Variants in RBFOX1 observed in about 807,000 individuals in gnomAD.
RBFOX1 encodes RNA binding protein fox-1 homolog 1.
A neutral mutation model predicts 57.7 loss-of-function variants in RBFOX1; 8 were observed. That is an observed-to-expected ratio of 0.14 (90% CI 0.08 to 0.25). RBFOX1 has a LOEUF of 0.25. Ranked by LOEUF, RBFOX1 falls within the 10% of genes least tolerant of loss-of-function variation. RBFOX1 has a pLI of 1.00. For missense variants in RBFOX1, 611 were observed against 548.5 expected (o/e 1.11, Z -1.14); for synonymous variants, 326 against 222.4 (o/e 1.47, Z -4.15).
intron 3 of RBFOX1, among the ~76,000 whole-genome samples, chr16:6,954,525 A>T (rs2081371036): frequency 6.6e-6 from 1 of 152,176 alleles, no homozygotes; most frequent in African/African-American, 2.4e-5. Context: ...GGTAGTTGGG[A>T]TAAAATACAT....
At chr16:5,391,973 G>C (rs1310567967) in intron 1 of RBFOX1, among the ~76,000 whole-genome samples, 1 of 151,928 alleles carries the variant, frequency 6.6e-6, no homozygotes, top group Non-Finnish European at 1.5e-5. Flanking sequence ...TGATTTAATG[G>C]CATTCACAGC....
intron 1 of RBFOX1, among the ~76,000 whole-genome samples, chr16:6,129,678 G>T (rs1262362419): frequency 2.3e-5 from 3 of 129,050 alleles, no homozygotes; most frequent in African/African-American, 9.1e-5. Flanking sequence ...AAGATTAGTA[G>T]ATCAGGTTAA....
At chr16:5,611,719 T>TATCC (rs61156757) in intron 3 of RBFOX1, among the ~76,000 whole-genome samples, 10,906 of 114,496 alleles carry the variant, frequency 0.095, 807 homozygotes, top group East Asian at 0.36. Context: ...TCCATCCATC[T>TATCC]ATCCATCCAT....
chr16:5,590,057 AC>A (rs2046955884), intron 2 of RBFOX1, among the ~76,000 whole-genome samples: 1 of 143,260 alleles, frequency 7.0e-6, no homozygotes, highest in African/African-American at 2.7e-5. Flanking sequence ...ACACACACAC[AC>A]ACACACACAC....
chr16:6,087,464 C>G (rs1290500470), intron 1 of RBFOX1, among the ~76,000 whole-genome samples: 1 of 152,034 alleles, frequency 6.6e-6, no homozygotes, highest in Non-Finnish European at 1.5e-5. Flanking sequence ...ACTTTCTAGC[C>G]TTTTTTCTCT....
intron 3 of RBFOX1, among the ~76,000 whole-genome samples, chr16:6,832,825 G>A (rs922581696): frequency 8.5e-5 from 13 of 152,198 alleles, no homozygotes; most frequent in African/African-American, 2.9e-4. Context: ...TTCATTTATT[G>A]ATTAAATAGT....
intron 3 of RBFOX1, among the ~76,000 whole-genome samples, chr16:6,667,011 T>C (rs139899056): frequency 8.3e-4 from 126 of 152,326 alleles, no homozygotes; most frequent in Middle Eastern, 3.4e-3. Context: ...CTGCCTTTTA[T>C]ATTTGATTCA....
chr16:6,098,753 A>G (rs1374090035), intron 1 of RBFOX1, among the ~76,000 whole-genome samples: 5 of 152,172 alleles, frequency 3.3e-5, no homozygotes, highest in African/African-American at 1.2e-4. Context: ...TCCAGAATCA[A>G]TCACTGTTTT....
At chr16:6,169,608 G>T (rs549987843) in intron 1 of RBFOX1, among the ~76,000 whole-genome samples, 1 of 152,174 alleles carries the variant, frequency 6.6e-6, no homozygotes, top group Non-Finnish European at 1.5e-5. Context: ...ACAGAAATTA[G>T]AAGTGAGGTA....
At chr16:5,623,802 G>C (rs2048268167) in intron 3 of RBFOX1, among the ~76,000 whole-genome samples, 1 of 152,054 alleles carries the variant, frequency 6.6e-6, no homozygotes, top group Admixed American at 6.6e-5. Context: ...TCCTCAGATG[G>C]CAAGAATCCT....
chr16:6,719,445 G>GTT (rs35154093), intron 3 of RBFOX1, among the ~76,000 whole-genome samples: 100 of 145,184 alleles, frequency 6.9e-4, no homozygotes, highest in African/African-American at 2.3e-3. Context: ...AAAATAACCT[G>GTT]TTTTTTTTTT....
At chr16:6,613,958 G>C (rs939344221) in intron 2 of RBFOX1, among the ~76,000 whole-genome samples, 1 of 152,132 alleles carries the variant, frequency 6.6e-6, no homozygotes, top group African/African-American at 2.4e-5. Flanking sequence ...AAAGAAAAAA[G>C]AAGATAGATT....
At position 6,088,270 on chromosome 16, in the gene RBFOX1, A is replaced by G. The variant is rs112249716; in HGVS notation, c.-127+68278A>G. ...TTTCCTCAGGAATGTTTCTGAAACTATGAACAATATGGAACATGTTGTCAA... is the reference window on the plus strand; with the variant it reads ...TTTCCTCAGGAATGTTTCTGAAACTGTGAACAATATGGAACATGTTGTCAA... On this transcript the variant is annotated intron_variant, in intron 1 of 15. Coordinates refer to ENST00000550418, the MANE Select transcript of RBFOX1 (RefSeq NM_018723.4). 5.3e-3 allele frequency among the ~76,000 whole-genome samples: 801 copies of G among 152,042 alleles called. 7 individuals carry two copies. The highest frequency in any genetic ancestry group is 8.8e-3 in the Non-Finnish European group (598 of 68,006).
chr16:6,472,079 C>A (rs987742300), intron 2 of RBFOX1, among the ~76,000 whole-genome samples: 1 of 152,174 alleles, frequency 6.6e-6, no homozygotes, highest in Non-Finnish European at 1.5e-5. Flanking sequence ...GCTGACTAGT[C>A]ATCAGACTCT....
At chr16:7,709,247 G>T (rs1217589841) in intron 15 of RBFOX1, 116 bp downstream of exon 15, 1 of 1,098,914 alleles carries the variant, frequency 9.1e-7, no homozygotes. Flanking sequence ...TTTGTCTCTT[G>T]TGCTAACAGC....
At chr16:6,064,665 C>G (rs1028346905) in intron 1 of RBFOX1, among the ~76,000 whole-genome samples, 1 of 152,146 alleles carries the variant, frequency 6.6e-6, no homozygotes, top group Admixed American at 6.5e-5. Flanking sequence ...CTCAGCCTCC[C>G]AAGTAGCTGA....
At chr16:6,869,874 C>G (rs559977239) in intron 3 of RBFOX1, among the ~76,000 whole-genome samples, 2 of 152,102 alleles carry the variant, frequency 1.3e-5, no homozygotes, top group African/African-American at 2.4e-5. Flanking sequence ...CTGTTCAGAA[C>G]GTATATGTCT....
intron 4 of RBFOX1, among the ~76,000 whole-genome samples, chr16:7,181,444 G>C (rs1197916031): frequency 2.0e-5 from 3 of 152,028 alleles, no homozygotes; most frequent in African/African-American, 7.3e-5. Flanking sequence ...TTTACATTTT[G>C]GTAAGGCTAG....
At chr16:6,992,435 C>T (rs1043592954) in intron 3 of RBFOX1, among the ~76,000 whole-genome samples, 58 of 152,192 alleles carry the variant, frequency 3.8e-4, no homozygotes, top group South Asian at 1.5e-3. Context: ...CCAGGCTGGT[C>T]TTGAACTCTT....
Sources: allele counts gnomAD v4.1 joint callset (sites outside exome capture counted in the v4.1 genomes callset), GRCh38; gene constraint gnomAD v4.1.1; transcripts MANE v1.5; gene names NCBI Gene and HGNC (gene_info 2026-07-23, HGNC 2026-07-21).